The following NPR3 variants were observed in gnomAD, a reference collection of about 807,000 sequenced individuals.
NPR3 encodes atrial natriuretic peptide receptor 3.
NPR3 carries 34 observed loss-of-function variants against 54.5 expected under a neutral mutation model. The ratio of observed to expected loss-of-function variants is 0.62; its 90% CI spans 0.47 to 0.83. The LOEUF (loss-of-function observed/expected upper bound fraction) is 0.83. NPR3 is among the 40% of genes least tolerant of loss of function. The probability of loss-of-function intolerance (pLI) is 0.00; values close to 1 mark genes in which losing one functional copy is unlikely to be tolerated. For missense variants in NPR3, 674 were observed against 720.8 expected, an observed-to-expected ratio of 0.94 and a Z score of 0.74; for synonymous variants, 289 against 297.1, an observed-to-expected ratio of 0.97 and a Z score of 0.28.
intron 3 of NPR3, among the ~76,000 whole-genome samples, chr5:32,743,117 T>C (rs1740118850): frequency 1.3e-5 from 2 of 152,318 alleles, no homozygotes; most frequent in African/African-American, 4.8e-5. Flanking sequence ...TTTACCAAAT[T>C]TTGATGGATT....
intron 3 of NPR3, among the ~76,000 whole-genome samples, chr5:32,773,564 CCTGA>C (rs1242688668): frequency 2.6e-5 from 4 of 152,242 alleles, no homozygotes; most frequent in Admixed American, 2.6e-4. Flanking sequence ...GAGAATGTGC[CCTGA>C]CTGTGTGTTT....
chr5:32,705,153 A>C (rs1737952323), upstream of NPR3, among the ~76,000 whole-genome samples: 1 of 152,254 alleles, frequency 6.6e-6, no homozygotes, highest in Admixed American at 6.5e-5. Flanking sequence ...GGGTTGAAAA[A>C]TGCTGAAGTA....
chr5:32,751,252 C>T (rs1002000989), intron 3 of NPR3, among the ~76,000 whole-genome samples: 2 of 152,134 alleles, frequency 1.3e-5, no homozygotes, highest in South Asian at 2.1e-4. Flanking sequence ...TCTGTTAAAA[C>T]TCTTTTGTTG....
At position 32,784,454 on chromosome 5, in the gene NPR3, T is replaced by C. The variant is rs534775299; in HGVS notation, c.1427-342T>C. 3.3e-5 allele frequency among the ~76,000 whole-genome samples: 5 copies of C among 152,252 alleles called. No individual in the cohort carries two copies. The South Asian group carries it at 6.2e-4, about 19-fold the overall frequency. ...TCCACCCACCTTGGCCTCCCAATTC[T>C]TTGACTTTAAACTCAAAAGAGAGTG... On this transcript the variant is annotated intron_variant, in intron 6 of 7. Coordinates refer to ENST00000265074, the MANE Select transcript of NPR3 (RefSeq NM_001204375.2).
intron 4 of NPR3, among the ~76,000 whole-genome samples, chr5:32,778,798 T>A (rs947580439): frequency 6.6e-5 from 10 of 152,210 alleles, no homozygotes; most frequent in African/African-American, 2.4e-4. Flanking sequence ...AAAGGTATAA[T>A]GAGGTCTTAA....
intron 3 of NPR3, among the ~76,000 whole-genome samples, chr5:32,772,441 C>T (rs1741818128): frequency 6.6e-6 from 1 of 152,210 alleles, no homozygotes; most frequent in African/African-American, 2.4e-5. Flanking sequence ...GCACTCTTTC[C>T]CACCCTCCAC....
At chr5:32,704,027 T>G (rs1737912704) in intron 1 of NPR3, among the ~76,000 whole-genome samples, 1 of 152,226 alleles carries the variant, frequency 6.6e-6, no homozygotes, top group Non-Finnish European at 1.5e-5. Context: ...GTATCTCAGG[T>G]TCCAACCACT....
At chr5:32,740,628 A>G (rs1185252238) in intron 3 of NPR3, among the ~76,000 whole-genome samples, 1 of 151,986 alleles carries the variant, frequency 6.6e-6, no homozygotes, top group African/African-American at 2.4e-5. Flanking sequence ...ACCCCAGGTG[A>G]AGTTAATTTT....
At chr5:32,729,325 G>A (rs1739340519) in intron 2 of NPR3, among the ~76,000 whole-genome samples, 1 of 151,966 alleles carries the variant, frequency 6.6e-6, no homozygotes, top group South Asian at 2.1e-4. Context: ...CACCGAGCCC[G>A]GCCTGCCTGT....
At position 32,712,425 on chromosome 5, in the gene NPR3, C is replaced by A; in HGVS notation, c.649C>A (p.Leu217Ile). 1 of 1,612,940 alleles carries A rather than the reference C, an allele frequency of 6.2e-7. No individual in the cohort carries two copies. Among genetic ancestry groups the A allele is most frequent in the Non-Finnish European group, 8.5e-7 (1 of 1,179,518 alleles). Residue 217 changes from leucine to isoleucine, a missense_variant, in exon 1 of 8, where the codon CTC (leucine) becomes ATC (isoleucine). Leu to Ile is a conservative substitution (Grantham distance 5, BLOSUM62 2). Coordinates refer to ENST00000265074, the MANE Select transcript of NPR3 (RefSeq NM_001204375.2). ...GCTGGAGCGGAACTGCTACTTCACC[C>A]TCGAGGGGGTCCACGAGGTCTTCCA... Reference protein sequence around the residue: ...DKLERNCYFTLEGVHEVFQEE... With the variant: ...DKLERNCYFTIEGVHEVFQEE...
At chr5:32,735,394 C>T (rs1739676527) in intron 2 of NPR3, among the ~76,000 whole-genome samples, 1 of 151,444 alleles carries the variant, frequency 6.6e-6, no homozygotes, top group African/African-American at 2.4e-5. Flanking sequence ...CAGTGCTCTG[C>T]CTTTGTTCTC....
chr5:32,745,105 A>G (rs542477132), intron 3 of NPR3, among the ~76,000 whole-genome samples: 1 of 152,318 alleles, frequency 6.6e-6, no homozygotes, highest in East Asian at 1.9e-4. Context: ...CAGGCAGTAC[A>G]GTGATGTTGG....
At chr5:32,705,296 A>G (rs960628002), upstream of NPR3, among the ~76,000 whole-genome samples, 7 of 152,262 alleles carry the variant, frequency 4.6e-5, no homozygotes, top group Non-Finnish European at 7.3e-5. Flanking sequence ...ATCCACATCA[A>G]GTTTTGAGAA....
rs1268347091 is a variant in NPR3 at position 32,711,412 on chromosome 5, G to C, written c.-365G>C. Reference sequence around the variant, plus strand: ...AACTTTTTTTTTCTTCTACAAAAACGCTTTCAAAAGCAACCTTAGCAACGC... The same window carrying C: ...AACTTTTTTTTTCTTCTACAAAAACCCTTTCAAAAGCAACCTTAGCAACGC... On this transcript the variant is annotated 5_prime_UTR_variant, in exon 1 of 8. Transcript: ENST00000265074. The C allele has an allele frequency of 5.9e-6, 6 of 1,020,046 alleles. No homozygotes were observed. The South Asian group carries it at 2.8e-4, about 47-fold the overall frequency. The allele number at this position is 1,020,046 out of a possible 1,614,324, so 63.2% of individuals were successfully genotyped here.
At chr5:32,747,593 A>AT (rs1050947332) in intron 3 of NPR3, among the ~76,000 whole-genome samples, 13 of 151,854 alleles carry the variant, frequency 8.6e-5, no homozygotes, top group Admixed American at 1.3e-4. Flanking sequence ...GATAATGCTG[A>AT]TTTTTTTAAA....
chr5:32,704,305 A>G (rs903225542), intron 1 of NPR3, among the ~76,000 whole-genome samples: 1 of 151,952 alleles, frequency 6.6e-6, no homozygotes, highest in African/African-American at 2.4e-5. Context: ...GTGATATGAA[A>G]TGAAAACCAG....
At chr5:32,764,552 C>G (rs746742576) in intron 3 of NPR3, among the ~76,000 whole-genome samples, 11 of 151,956 alleles carry the variant, frequency 7.2e-5, no homozygotes, top group African/African-American at 1.2e-4. Flanking sequence ...CTTTGGGAGG[C>G]CGAGGCGGGT....
chr5:32,709,764 G>A (rs114569661), upstream of NPR3: 237 of 152,306 alleles, frequency 1.6e-3, no homozygotes, highest in African/African-American at 5.3e-3. Context: ...GCTGACGCCA[G>A]AAGTTGCCAT....
chr5:32,702,084 A>G (rs1470991521), intron 1 of NPR3, among the ~76,000 whole-genome samples: 3 of 152,082 alleles, frequency 2.0e-5, no homozygotes, highest in Admixed American at 2.0e-4. Context: ...CAGGTGGAAA[A>G]GCCAGCCAGG....
Sources: gnomAD v4.1 joint callset for allele counts (sites outside exome capture counted in the v4.1 genomes callset) on GRCh38, gnomAD v4.1.1 for gene constraint, MANE v1.5 for transcripts, NCBI Gene and HGNC (gene_info 2026-07-23, HGNC 2026-07-21) for gene names.